Variants in LRP1B observed in about 807,000 individuals in gnomAD.
LRP1B encodes the protein low-density lipoprotein receptor-related protein 1B.
Under a neutral mutation model 556.6 loss-of-function variants are expected in LRP1B, and 217 were observed. The ratio of observed to expected loss-of-function variants is 0.39; its 90% CI spans 0.35 to 0.44. The LOEUF (loss-of-function observed/expected upper bound fraction) is 0.44, where lower values mean the gene tolerates loss of function less well. LRP1B is among the 20% of genes least tolerant of loss of function. The probability of loss-of-function intolerance (pLI) is 1.00; values close to 1 mark genes in which losing one functional copy is unlikely to be tolerated. For missense variants in LRP1B, 5,053 were observed against 5,620.8 expected, an observed-to-expected ratio of 0.90 and a Z score of 3.23; for synonymous variants, 2,047 against 1,865.8, an observed-to-expected ratio of 1.10 and a Z score of -2.50.
At chr2:141,186,461 T>A (rs1308627937) in intron 7 of LRP1B, among the ~76,000 whole-genome samples, 1 of 152,028 alleles carries the variant, frequency 6.6e-6, no homozygotes, top group East Asian at 1.9e-4. Flanking sequence ...ACTAAATTTC[T>A]GATATTAAGA....
At chr2:140,598,064 T>C (rs1047723853) in intron 43 of LRP1B, among the ~76,000 whole-genome samples, 19 of 152,162 alleles carry the variant, frequency 1.2e-4, no homozygotes, top group African/African-American at 4.6e-4. Flanking sequence ...CATCTCACCA[T>C]TCTTCAGGCC....
intron 6 of LRP1B, among the ~76,000 whole-genome samples, chr2:141,200,769 C>A (rs2105224737): frequency 6.6e-6 from 1 of 152,240 alleles, no homozygotes; most frequent in Non-Finnish European, 1.5e-5. Flanking sequence ...ATATAAGCCC[C>A]ATATGAGCAA....
chr2:142,043,462 C>T (rs1420510332), intron 1 of LRP1B, among the ~76,000 whole-genome samples: 2 of 151,072 alleles, frequency 1.3e-5, no homozygotes, highest in Admixed American at 6.6e-5. Flanking sequence ...TAAAGCATCC[C>T]TTTTTTTTAG....
At chr2:140,973,531 A>T (rs10928085) in intron 18 of LRP1B, among the ~76,000 whole-genome samples, 111,731 of 151,962 alleles carry the variant, frequency 0.74, 41,617 homozygotes, top group Admixed American at 0.79. Context: ...AAATGTAAAC[A>T]TTGGAAATAT....
chr2:141,510,793 A>C (rs906915538), intron 2 of LRP1B, among the ~76,000 whole-genome samples: 3 of 151,488 alleles, frequency 2.0e-5, no homozygotes, highest in African/African-American at 7.3e-5. Flanking sequence ...ATTTCTTTTT[A>C]GTATTTTCAC....
chr2:141,300,777 G>A (rs550823600), intron 3 of LRP1B, among the ~76,000 whole-genome samples: 3 of 152,194 alleles, frequency 2.0e-5, no homozygotes, highest in South Asian at 2.1e-4. Flanking sequence ...ATCAGAAGCC[G>A]CTATGCTTTC....
At chr2:141,008,061 A>G (rs1272327308) in intron 14 of LRP1B, among the ~76,000 whole-genome samples, 1 of 151,356 alleles carries the variant, frequency 6.6e-6, no homozygotes, top group Non-Finnish European at 1.5e-5. Context: ...GATAGATCTC[A>G]TATGATAGTA....
rs1306011305 is a variant in LRP1B at position 141,703,541 on chromosome 2, G to C, written c.205+106738C>G. Among the ~76,000 whole-genome samples, 7 of 151,980 alleles carry C rather than the reference G, an allele frequency of 4.6e-5. No homozygotes were observed. The South Asian group carries it at 1.4e-3, about 31-fold the overall frequency. On this transcript the variant is annotated intron_variant, in intron 2 of 90. Coordinates refer to ENST00000389484, the MANE Select transcript of LRP1B (RefSeq NM_018557.3). ...AGAGAGAAAACCATTATGGATGTGT[G>C]CCAAGGCACTTTGGATTGTCGGCTC...
chr2:141,424,113 CTT>C (rs11465120), intron 3 of LRP1B, among the ~76,000 whole-genome samples: 6 of 136,990 alleles, frequency 4.4e-5, no homozygotes, highest in Non-Finnish European at 3.1e-5. Flanking sequence ...AAGCCTTCAT[CTT>C]TTTTTTTTTT....
At chr2:141,080,796 A>G (rs780491222) in intron 7 of LRP1B, among the ~76,000 whole-genome samples, 5 of 152,248 alleles carry the variant, frequency 3.3e-5, no homozygotes, top group Non-Finnish European at 7.3e-5. Context: ...TGCAGTCCAC[A>G]GATATTAAAC....
intron 6 of LRP1B, among the ~76,000 whole-genome samples, chr2:141,193,555 A>C (rs2105206835): frequency 6.6e-6 from 1 of 152,094 alleles, no homozygotes; most frequent in South Asian, 2.1e-4. Context: ...ATGAACACAA[A>C]GAAGGGAACA....
chr2:141,579,946 C>T (rs1314929440), intron 2 of LRP1B, among the ~76,000 whole-genome samples: 5 of 152,010 alleles, frequency 3.3e-5, no homozygotes, highest in African/African-American at 9.7e-5. Context: ...GTAATCCACC[C>T]GTCTGGGCCT....
At chr2:140,973,564 T>C (rs946681447) in intron 18 of LRP1B, among the ~76,000 whole-genome samples, 8 of 152,028 alleles carry the variant, frequency 5.3e-5, no homozygotes, top group Non-Finnish European at 1.0e-4. Context: ...AACTTGTTTA[T>C]AAGAAAAGCT....
At chr2:141,209,655 C>G (rs879581255) in intron 6 of LRP1B, among the ~76,000 whole-genome samples, 1 of 151,944 alleles carries the variant, frequency 6.6e-6, no homozygotes, top group Non-Finnish European at 1.5e-5. Context: ...ATCCTTTTTC[C>G]AAGAATGTCT....
chr2:141,098,888 C>T (rs1271641877), intron 7 of LRP1B, among the ~76,000 whole-genome samples: 1 of 152,130 alleles, frequency 6.6e-6, no homozygotes, highest in East Asian at 1.9e-4. Flanking sequence ...AACTCCCGAT[C>T]TCAGGTAATC....
intron 2 of LRP1B, among the ~76,000 whole-genome samples, chr2:141,727,813 C>A (rs73963558): frequency 0.37 from 56,620 of 151,572 alleles, 10,979 homozygotes; most frequent in East Asian, 0.66. Context: ...ATCAATCTCT[C>A]TATATATATA....
At chr2:141,249,550 T>C (rs1363242848) in intron 4 of LRP1B, among the ~76,000 whole-genome samples, 1 of 151,860 alleles carries the variant, frequency 6.6e-6, no homozygotes. Context: ...TGAGTCGAGA[T>C]TGCACACTGC....
At chr2:141,957,383 T>TGTG (rs1558985933) in intron 1 of LRP1B, among the ~76,000 whole-genome samples, 2 of 58,446 alleles carry the variant, frequency 3.4e-5, no homozygotes, top group Non-Finnish European at 6.7e-5. Flanking sequence ...TTTGTGTGTG[T>TGTG]GGGGGGGGGG....
intron 2 of LRP1B, among the ~76,000 whole-genome samples, chr2:141,554,154 T>C (rs1479695446): frequency 2.1e-5 from 3 of 145,518 alleles, no homozygotes. Flanking sequence ...GACATAGATA[T>C]AGATTATATA....
Sources: gnomAD v4.1 joint callset for allele counts (sites outside exome capture counted in the v4.1 genomes callset) on GRCh38, gnomAD v4.1.1 for gene constraint, MANE v1.5 for transcripts, NCBI Gene and HGNC (gene_info 2026-07-23, HGNC 2026-07-21) for gene names.